DZIP3: variants seen among roughly 807,000 people sequenced by gnomAD.
The protein encoded by DZIP3 is E3 ubiquitin-protein ligase DZIP3.
In DZIP3, 118 loss-of-function variants were observed where a neutral mutation model predicts 162.0. That is an observed-to-expected ratio of 0.73 (90% CI 0.63 to 0.85). The LOEUF (loss-of-function observed/expected upper bound fraction) is 0.85. DZIP3 is among the 40% of genes least tolerant of loss of function. DZIP3 has a pLI of 0.00. For synonymous variants in DZIP3, 438 were observed against 458.6 expected, an observed-to-expected ratio of 0.96 and a Z score of 0.57; for missense variants, 1,331 against 1,407.0, an observed-to-expected ratio of 0.95 and a Z score of 0.86.
At chr3:108,649,775 G>C (rs1032498918) in intron 17 of DZIP3, among the ~76,000 whole-genome samples, 4 of 151,692 alleles carry the variant, frequency 2.6e-5, no homozygotes, top group African/African-American at 9.7e-5. Context: ...AAAACACGAA[G>C]TCAAGATTTA....
chr3:108,624,626 A>T lies in DZIP3; in HGVS notation c.456+102A>T, dbSNP rs915432352. The T allele has an allele frequency of 6.9e-6, 4 of 576,050 alleles. No individual in the cohort carries two copies. In the African/African-American group the frequency reaches 7.9e-5, roughly 11 times the overall value. 35.7% of individuals were successfully genotyped at this position (576,050 alleles called of 1,614,324 possible). On this transcript the variant is annotated intron_variant, in intron 6 of 32. Transcript: ENST00000361582. ...CTAAAAATATTAAAAAAGGAAACTT[A>T]ATATTAGCTTATAACTTCATTTCTT...
chr3:108,672,563 T>C lies in DZIP3; in HGVS notation c.2496T>C (p.Ser832=). 1 of 1,611,178 alleles carries C rather than the reference T, an allele frequency of 6.2e-7. No homozygotes were observed. The highest frequency in any genetic ancestry group is 8.5e-7 in the Non-Finnish European group (1 of 1,177,978). Residue 832 remains serine (S), a synonymous_variant, in exon 23 of 33, where the codon TCT becomes TCC. Transcript: ENST00000361582. The part of the protein sequence containing the change: ...NLKEQLSMKR[S]QWEMEKHNLE... ...CTTTAATGATCATGTATTTCAGATCTCAGTGGGAAATGGAAAAACATAATC... is the reference window on the plus strand; with the variant it reads ...CTTTAATGATCATGTATTTCAGATCCCAGTGGGAAATGGAAAAACATAATC...
rs907462396 is a variant in DZIP3, at chr3:108,693,400, T to C, written c.*47T>C. The C allele has an allele frequency of 6.6e-6, 1 of 152,156 alleles. No homozygotes were observed. Among genetic ancestry groups the C allele is most frequent in the African/African-American group, 2.4e-5 (1 of 41,450 alleles). The allele number at this position is 152,156 out of a possible 1,614,324, so 9.4% of individuals were successfully genotyped here. A position where few individuals can be genotyped will look rare whatever the true frequency, so the allele number is the denominator to read the frequency against. ...TTATGAACTACTTGAAGGTGGAGAC[T>C]GTACGGTGGTGTGTTGGAGCTGGCT... On this transcript the variant is annotated 3_prime_UTR_variant, in exon 33 of 33. Transcript: ENST00000361582.
chr3:108,629,619 GACAC>G (rs147814342), intron 8 of DZIP3, among the ~76,000 whole-genome samples: 1 of 149,778 alleles, frequency 6.7e-6, no homozygotes, highest in Non-Finnish European at 1.5e-5. Flanking sequence ...TATCTGTCCA[GACAC>G]ACACACACAC....
At chr3:108,654,744 AT>A (rs140574813) in intron 19 of DZIP3, among the ~76,000 whole-genome samples, 2 of 151,168 alleles carry the variant, frequency 1.3e-5, no homozygotes, top group Non-Finnish European at 3.0e-5. Context: ...ATGTATAATC[AT>A]TTTTTTTTCT....
intron 22 of DZIP3, among the ~76,000 whole-genome samples, chr3:108,672,225 T>C (rs80115386): frequency 6.3e-4 from 96 of 152,042 alleles, no homozygotes; most frequent in African/African-American, 2.0e-3. Context: ...TTTCAACATA[T>C]GAGTTTTGGG....
intron 28 of DZIP3, 35 bp from the exon 29 acceptor site, chr3:108,687,941 C>T: frequency 1.2e-6 from 2 of 1,612,390 alleles, no homozygotes; most frequent in Non-Finnish European, 1.7e-6. Flanking sequence ...TAAGGAAAAT[C>T]ATTACTGCCC....
chr3:108,636,469 A>G lies in DZIP3; in HGVS notation c.919-147A>G. The G allele has an allele frequency of 4.1e-6, 2 of 490,312 alleles. 1 individual carries two copies. The highest frequency in any genetic ancestry group is 6.9e-5 in the South Asian group (2 of 29,020). 30.4% of individuals were successfully genotyped at this position (490,312 alleles called of 1,614,324 possible). A position where few individuals can be genotyped will look rare whatever the true frequency, so the allele number is the denominator to read the frequency against. On this transcript the variant is annotated intron_variant, in intron 10 of 32. Coordinates refer to ENST00000361582, the MANE Select transcript of DZIP3 (RefSeq NM_014648.4). ...TATCCATTGATATATGAAATGGACC[A>G]TCTTTTAACAGCTACATGTCAAATA...
rs921732840 is a variant in DZIP3 at position 108,624,383 on chromosome 3, CTTG to C, written c.376-56_376-54del. ...ATTAAGCTTAGGATATTTAATTAAG[CTTG>C]TTGTACTGAAAAGTAGCTTAGTCTA... On this transcript the variant is annotated intron_variant, in intron 5 of 32. Transcript: ENST00000361582. 56 of 874,962 alleles carry C rather than the reference CTTG, an allele frequency of 6.4e-5. No individual in the cohort carries two copies. The Admixed American group carries it at 7.8e-4, about 12-fold the overall frequency. 54.2% of individuals were successfully genotyped at this position (874,962 alleles called of 1,614,324 possible). A position where few individuals can be genotyped will look rare whatever the true frequency, so the allele number is the denominator to read the frequency against.
rs952094405 is a variant in DZIP3 at position 108,673,022 on chromosome 3, T to G, written c.2589+366T>G. On this transcript the variant is annotated intron_variant, in intron 23 of 32. Coordinates refer to ENST00000361582, the MANE Select transcript of DZIP3 (RefSeq NM_014648.4). Reference sequence around the variant, plus strand: ...AATATCTTCTTTGCTACTTCCAATATATATCTTACAAAAATACTTACACAT... The same window carrying G: ...AATATCTTCTTTGCTACTTCCAATAGATATCTTACAAAAATACTTACACAT... 5.3e-5 allele frequency among the ~76,000 whole-genome samples: 8 copies of G among 151,982 alleles called. No homozygotes were observed. The East Asian group carries it at 1.5e-3, about 29-fold the overall frequency.
At chr3:108,652,634 C>T (rs1363404488) in intron 18 of DZIP3, among the ~76,000 whole-genome samples, 1 of 151,762 alleles carries the variant, frequency 6.6e-6, no homozygotes, top group African/African-American at 2.4e-5. Flanking sequence ...ATAAAGTCTA[C>T]AGTAGTATAC....
chr3:108,637,660 G>GTAGTATTAAGA lies in DZIP3; in HGVS notation c.1064+114_1064+115insGTATTAAGATA, dbSNP rs1356347639. The GTAGTATTAAGA allele has an allele frequency of 6.2e-5, 45 of 724,930 alleles. 1 individual carries two copies. The highest frequency in any genetic ancestry group is 8.6e-5 in the Non-Finnish European group (40 of 466,510). 44.9% of individuals were successfully genotyped at this position (724,930 alleles called of 1,614,324 possible). A position where few individuals can be genotyped will look rare whatever the true frequency, so the allele number is the denominator to read the frequency against. The stretch of plus-strand genomic sequence containing the variant: ...TAATAGAGCTGCATTAAATTTTAAG[G>GTAGTATTAAGA]TATGTGAAAAAATCATATTTAATTG... On this transcript the variant is annotated intron_variant, in intron 12 of 32. Transcript: ENST00000361582.
chr3:108,636,828 G>A (rs192097899), intron 11 of DZIP3, 120 bp downstream of exon 11: 82 of 678,470 alleles, frequency 1.2e-4, no homozygotes, highest in East Asian at 8.9e-4. Flanking sequence ...TGCCTTTAAT[G>A]GTGACTGAGC....
At position 108,669,778 on chromosome 3, in the gene DZIP3, A is replaced by G. The variant is rs536177609; in HGVS notation, c.2492+29A>G. 23 of 1,534,018 alleles carry G rather than the reference A, an allele frequency of 1.5e-5. No individual in the cohort carries two copies. The African/African-American group carries it at 2.2e-4, about 15-fold the overall frequency. On this transcript the variant is annotated intron_variant, in intron 22 of 32. Transcript: ENST00000361582. ...CAAACTTAGCTTTTTCTTTGGGTGC[A>G]CTCTCTCTGAAACTGTATTTCACTC...
At chr3:108,591,611 CTGTGA>C (rs1305772346) in intron 1 of DZIP3, among the ~76,000 whole-genome samples, 1 of 152,178 alleles carries the variant, frequency 6.6e-6, no homozygotes. Context: ...TCGTTTCTAG[CTGTGA>C]TAAGTCTTGA....
intron 1 of DZIP3, among the ~76,000 whole-genome samples, chr3:108,592,482 C>A (rs1268979376): frequency 1.3e-5 from 2 of 151,840 alleles, no homozygotes; most frequent in African/African-American, 4.8e-5. Context: ...TCTCTTGAAC[C>A]CAGGAGTTCA....
At chr3:108,688,204 T>A in intron 29 of DZIP3, 108 bp downstream of exon 29, 6 of 1,316,292 alleles carry the variant, frequency 4.6e-6, no homozygotes, top group Non-Finnish European at 5.2e-6. Flanking sequence ...TAACTTGTAA[T>A]CATATTAAAT....
At chr3:108,690,359 T>G (rs959061585) in intron 31 of DZIP3, among the ~76,000 whole-genome samples, 9 of 152,212 alleles carry the variant, frequency 5.9e-5, no homozygotes, top group African/African-American at 2.2e-4. Flanking sequence ...GAGAAGTGTA[T>G]TCATGATCTA....
Position 108,644,660 on chromosome 3 carries a change from T to C in DZIP3, c.1638T>C (p.Asp546=), listed in dbSNP as rs1416482257. The part of the protein sequence containing the change: ...ILLRLGMMQE[D]IDKVKENPIE... ...TGCGCCTTGGGATGATGCAAGAGGA[T>C]ATTGACAAAGTGAAGGAGAATCCCA... The change falls in exon 14 of 33, where the codon GAT becomes GAC. Residue 546 remains aspartate, a synonymous_variant. Transcript: ENST00000361582. 1 of 1,614,056 alleles carries C rather than the reference T, an allele frequency of 6.2e-7. No individual in the cohort carries two copies. The highest frequency in any genetic ancestry group is 1.1e-5 in the South Asian group (1 of 91,088).
Sources: allele counts gnomAD v4.1 joint callset (sites outside exome capture counted in the v4.1 genomes callset), GRCh38; gene constraint gnomAD v4.1.1; transcripts MANE v1.5; gene names NCBI Gene and HGNC (gene_info 2026-07-23, HGNC 2026-07-21).